The following SIPA1L3 variants were observed in gnomAD, a reference collection of about 807,000 sequenced individuals.
SIPA1L3 encodes signal induced proliferation associated 1 like 3, also known as signal-induced proliferation-associated 1-like protein 3.
Under a neutral mutation model 150.1 loss-of-function variants are expected in SIPA1L3, and 59 were observed. The ratio of observed to expected loss-of-function variants is 0.39; its 90% confidence interval spans 0.32 to 0.49. The LOEUF is 0.49. Ranked by LOEUF, SIPA1L3 falls within the 20% of genes least tolerant of loss-of-function variation. The pLI is 0.86. For missense variants in SIPA1L3, 2,211 were observed against 2,489.5 expected (o/e 0.89, Z 2.38); for synonymous variants, 1,070 against 1,077.6 (o/e 0.99, Z 0.14).
At chr19:38,175,907 CAGAA>C (rs1484610970) in intron 15 of SIPA1L3, among the ~76,000 whole-genome samples, 1 of 152,042 alleles carries the variant, frequency 6.6e-6, no homozygotes, top group Admixed American at 6.6e-5. Context: ...ACTGGCGCTC[CAGAA>C]AGAAAGAACG....
intron 1 of SIPA1L3, among the ~76,000 whole-genome samples, chr19:37,937,075 C>T (rs897784252): frequency 4.6e-5 from 7 of 152,156 alleles, no homozygotes; most frequent in Admixed American, 3.9e-4. Context: ...GTTGCCCAGG[C>T]TGGTTTCAGA....
At chr19:38,044,532 A>T (rs1431418321) in intron 2 of SIPA1L3, among the ~76,000 whole-genome samples, 1 of 152,106 alleles carries the variant, frequency 6.6e-6, no homozygotes, top group Non-Finnish European at 1.5e-5. Flanking sequence ...TGATTGCTAG[A>T]TGGGAGGCAC....
At chr19:37,956,986 G>A (rs2046817017) in intron 1 of SIPA1L3, among the ~76,000 whole-genome samples, 1 of 151,588 alleles carries the variant, frequency 6.6e-6, no homozygotes, top group Non-Finnish European at 1.5e-5. Flanking sequence ...TTACATAAGG[G>A]GCCTAAATTT....
At chr19:38,084,549 A>T (rs1600039557) in intron 3 of SIPA1L3, among the ~76,000 whole-genome samples, 1 of 68,950 alleles carries the variant, frequency 1.5e-5, no homozygotes, top group Non-Finnish European at 2.7e-5. Flanking sequence ...GGCTTTTCTT[A>T]AAAAAAAAAA....
chr19:37,969,477 G>A (rs1039560807), intron 1 of SIPA1L3, among the ~76,000 whole-genome samples: 1 of 149,484 alleles, frequency 6.7e-6, no homozygotes, highest in African/African-American at 2.5e-5. Flanking sequence ...GCTTCAACCC[G>A]GGAGGTGGAG....
chr19:38,172,113 A>G (rs899083506), intron 15 of SIPA1L3, among the ~76,000 whole-genome samples: 1 of 152,156 alleles, frequency 6.6e-6, no homozygotes, highest in South Asian at 2.1e-4. Context: ...TTGGATCTGC[A>G]TGGGAGGACG....
chr19:38,113,002 G>GA (rs1970800555), intron 8 of SIPA1L3, among the ~76,000 whole-genome samples: 3 of 152,260 alleles, frequency 2.0e-5, no homozygotes, highest in Admixed American at 2.0e-4. Context: ...GAGGTCAGGA[G>GA]TTGGAGACCA....
rs1599785255 is a variant in SIPA1L3 at position 37,912,310 on chromosome 19, G to C, written c.-379+4952G>C. ...CCAGTGGCTGAAGCACAAACTCTGG[G>C]GCCACATGGTCTGGGTTCACACTGT... On this transcript the variant is annotated intron_variant, in intron 1 of 21. Coordinates refer to ENST00000222345, the MANE Select transcript of SIPA1L3 (RefSeq NM_015073.3). Among the ~76,000 whole-genome samples, 5 of 152,024 alleles carry C rather than the reference G, an allele frequency of 3.3e-5. No homozygotes were observed. In the South Asian group the frequency reaches 1.0e-3, roughly 31 times the overall value.
At chr19:38,090,050 C>G (rs987085709) in intron 4 of SIPA1L3, among the ~76,000 whole-genome samples, 1 of 152,144 alleles carries the variant, frequency 6.6e-6, no homozygotes, top group Non-Finnish European at 1.5e-5. Context: ...CTCAGACTGG[C>G]CAGGCGCAGT....
intron 9 of SIPA1L3, among the ~76,000 whole-genome samples, chr19:38,123,984 C>A (rs186002660): frequency 0.15 from 20,011 of 131,166 alleles, 1,705 homozygotes; most frequent in African/African-American, 0.19. Flanking sequence ...AACCCCCCCC[C>A]ACCTCCCTCC....
intron 2 of SIPA1L3, among the ~76,000 whole-genome samples, chr19:38,078,634 A>G (rs776310720): frequency 1.2e-4 from 19 of 152,054 alleles, no homozygotes; most frequent in Non-Finnish European, 2.6e-4. Context: ...GAGGCCTGCT[A>G]CTTTCTCACA....
intron 15 of SIPA1L3, among the ~76,000 whole-genome samples, chr19:38,174,467 C>T (rs1479632026): frequency 6.6e-6 from 1 of 152,146 alleles, no homozygotes; most frequent in Non-Finnish European, 1.5e-5. Flanking sequence ...ATGTCTACAT[C>T]ACAGCTCCAC....
chr19:37,928,385 A>G (rs2382624), intron 1 of SIPA1L3, among the ~76,000 whole-genome samples: 22,833 of 152,112 alleles, frequency 0.15, 1,939 homozygotes, highest in Middle Eastern at 0.28. Context: ...AGCCTGGGCA[A>G]CATGGTAAAA....
intron 1 of SIPA1L3, among the ~76,000 whole-genome samples, chr19:37,987,492 A>C (rs528876897): frequency 1.3e-5 from 2 of 152,268 alleles, no homozygotes; most frequent in African/African-American, 4.8e-5. Flanking sequence ...TGTCCTGTGC[A>C]TATTATGGGC....
At chr19:38,174,554 G>C (rs1439769294) in intron 15 of SIPA1L3, among the ~76,000 whole-genome samples, 2 of 152,098 alleles carry the variant, frequency 1.3e-5, no homozygotes, top group Non-Finnish European at 2.9e-5. Flanking sequence ...GTAAAATGGG[G>C]GTAATAGGAT....
intron 1 of SIPA1L3, among the ~76,000 whole-genome samples, chr19:37,960,177 A>T (rs1424265291): frequency 6.6e-6 from 1 of 152,082 alleles, no homozygotes; most frequent in Non-Finnish European, 1.5e-5. Flanking sequence ...TAAAGGATTT[A>T]TGTAATATTT....
intron 1 of SIPA1L3, among the ~76,000 whole-genome samples, chr19:37,972,533 T>C (rs1966969252): frequency 6.6e-6 from 1 of 151,988 alleles, no homozygotes; most frequent in Admixed American, 6.6e-5. Context: ...TGAAGCCCCA[T>C]CTCTACAAAA....
chr19:38,151,758 T>C (rs1411034889), intron 12 of SIPA1L3, among the ~76,000 whole-genome samples: 1 of 150,042 alleles, frequency 6.7e-6, no homozygotes, highest in Non-Finnish European at 1.5e-5. Context: ...GGCCCAGGAG[T>C]TCAAGACCAG....
At chr19:38,072,462 C>T (rs1969745306) in intron 2 of SIPA1L3, among the ~76,000 whole-genome samples, 1 of 152,196 alleles carries the variant, frequency 6.6e-6, no homozygotes, top group Non-Finnish European at 1.5e-5. Flanking sequence ...TGCAGAGACT[C>T]AAATGATGAC....
Sources: allele counts gnomAD v4.1 joint callset (sites outside exome capture counted in the v4.1 genomes callset), GRCh38; gene constraint gnomAD v4.1.1; transcripts MANE v1.5; gene names NCBI Gene and HGNC (gene_info 2026-07-23, HGNC 2026-07-21).